WWOX: variants seen among roughly 807,000 people sequenced by gnomAD.
The protein encoded by WWOX is WW domain-containing oxidoreductase.
In WWOX, 69 loss-of-function variants were observed where a neutral mutation model predicts 46.2. The observed-to-expected ratio is 1.49, with a 90% CI of 1.23 to 1.82. WWOX has a LOEUF of 1.82. WWOX is among the 40% of genes most tolerant of loss of function. The probability of loss-of-function intolerance (pLI) is 0.00; values close to 1 mark genes in which losing one functional copy is unlikely to be tolerated. For missense variants in WWOX, 919 were observed against 542.6 expected, an observed-to-expected ratio of 1.69 and a Z score of -6.89; for synonymous variants, 359 against 202.6, an observed-to-expected ratio of 1.77 and a Z score of -6.56.
intron 8 of WWOX, among the ~76,000 whole-genome samples, chr16:78,549,756 A>G (rs1302816374): frequency 1.3e-5 from 2 of 152,238 alleles, no homozygotes; most frequent in Non-Finnish European, 2.9e-5. Flanking sequence ...CAGTTTAGAT[A>G]TGAAGCCTAA....
chr16:78,163,034 T>C (rs556655475), intron 4 of WWOX, among the ~76,000 whole-genome samples: 9 of 152,352 alleles, frequency 5.9e-5, no homozygotes, highest in African/African-American at 1.9e-4. Context: ...GTCAGACTTA[T>C]TTTAATCACT....
At chr16:78,105,097 C>T (rs1049024806) in intron 1 of WWOX, among the ~76,000 whole-genome samples, 7 of 152,188 alleles carry the variant, frequency 4.6e-5, no homozygotes, top group Non-Finnish European at 1.0e-4. Flanking sequence ...TTTCTGTTGC[C>T]ACAGCTATGG....
At chr16:78,738,764 C>G (rs779394008) in intron 8 of WWOX, among the ~76,000 whole-genome samples, 7 of 152,120 alleles carry the variant, frequency 4.6e-5, no homozygotes, top group Non-Finnish European at 7.3e-5. Context: ...GCTGGTTAGA[C>G]CAGGGCTGTG....
intron 8 of WWOX, among the ~76,000 whole-genome samples, chr16:78,826,566 G>C (rs1376828535): frequency 6.6e-6 from 1 of 152,110 alleles, no homozygotes; most frequent in Non-Finnish European, 1.5e-5. Context: ...TTCCTTTCCT[G>C]TCTGCCTCAA....
At chr16:78,437,619 C>T (rs911272501) in intron 8 of WWOX, among the ~76,000 whole-genome samples, 1 of 152,090 alleles carries the variant, frequency 6.6e-6, no homozygotes, top group African/African-American at 2.4e-5. Flanking sequence ...ATTGGGGCGT[C>T]CTGGGAGGGA....
chr16:78,814,374 C>G (rs368052834), intron 8 of WWOX, among the ~76,000 whole-genome samples: 1 of 151,592 alleles, frequency 6.6e-6, no homozygotes, highest in Non-Finnish European at 1.5e-5. Flanking sequence ...AAATCATATT[C>G]AAAAAATACT....
chr16:78,495,949 C>G (rs1008632119), intron 8 of WWOX: 6 of 152,142 alleles, frequency 3.9e-5, no homozygotes, highest in African/African-American at 1.4e-4. Flanking sequence ...CTCAGAGATT[C>G]CTTGAGAGAG....
At chr16:78,313,918 T>C (rs2080301256) in intron 5 of WWOX, among the ~76,000 whole-genome samples, 1 of 152,106 alleles carries the variant, frequency 6.6e-6, no homozygotes, top group Non-Finnish European at 1.5e-5. Context: ...GTGATTTTTG[T>C]CCCCAGTGAC....
intron 8 of WWOX, among the ~76,000 whole-genome samples, chr16:78,514,759 T>G (rs2738742): frequency 1.3e-5 from 2 of 152,166 alleles, no homozygotes; most frequent in Non-Finnish European, 2.9e-5. Flanking sequence ...ACACAGGCAT[T>G]GAAAATAGAT....
At chr16:79,091,929 T>G (rs1402416849) in intron 8 of WWOX, among the ~76,000 whole-genome samples, 2 of 151,754 alleles carry the variant, frequency 1.3e-5, no homozygotes, top group Admixed American at 6.6e-5. Flanking sequence ...CACAGGTGCA[T>G]GCCACCACGC....
chr16:78,534,762 T>C (rs1239018352), intron 8 of WWOX, among the ~76,000 whole-genome samples: 3 of 152,046 alleles, frequency 2.0e-5, no homozygotes, highest in African/African-American at 7.2e-5. Context: ...CAGGCTGGAG[T>C]GCAGTGGCAC....
At chr16:78,245,250 T>C (rs1441243878) in intron 5 of WWOX, among the ~76,000 whole-genome samples, 1 of 152,226 alleles carries the variant, frequency 6.6e-6, no homozygotes, top group Non-Finnish European at 1.5e-5. Context: ...AGTAAACCAA[T>C]GAGAGGAACC....
chr16:78,633,993 A>T (rs888423696), intron 8 of WWOX, among the ~76,000 whole-genome samples: 2 of 151,354 alleles, frequency 1.3e-5, no homozygotes, highest in African/African-American at 4.9e-5. Flanking sequence ...GCCCCTAGAG[A>T]GACCAAAGAG....
chr16:78,361,883 A>T (rs1452915627), intron 5 of WWOX, among the ~76,000 whole-genome samples: 2 of 151,680 alleles, frequency 1.3e-5, no homozygotes, highest in Non-Finnish European at 2.9e-5. Flanking sequence ...AAGTGCTGGG[A>T]TTACAGGTGT....
chr16:78,352,704 C>G (rs1197294478), intron 5 of WWOX, among the ~76,000 whole-genome samples: 1 of 152,170 alleles, frequency 6.6e-6, no homozygotes, highest in African/African-American at 2.4e-5. Context: ...TTATAGATAT[C>G]AGGGATTAGT....
chr16:78,825,367 G>C (rs1373471126), intron 8 of WWOX: 1 of 276,042 alleles, frequency 3.6e-6, no homozygotes, highest in Non-Finnish European at 7.4e-6. Flanking sequence ...CTCCGGAGCT[G>C]GCTAAAGACG....
chr16:79,202,445 T>C (rs1291639407), intron 8 of WWOX, among the ~76,000 whole-genome samples: 1 of 152,146 alleles, frequency 6.6e-6, no homozygotes, highest in Non-Finnish European at 1.5e-5. Context: ...GAAACCTACC[T>C]TGTGATTCTA....
At chr16:78,502,573 G>C (rs1173197447) in intron 8 of WWOX, among the ~76,000 whole-genome samples, 2 of 152,160 alleles carry the variant, frequency 1.3e-5, no homozygotes, top group African/African-American at 4.8e-5. Context: ...CACATTTTGT[G>C]TATCCATTCA....
intron 8 of WWOX, among the ~76,000 whole-genome samples, chr16:78,768,760 T>G (rs2049989145): frequency 6.6e-6 from 1 of 152,306 alleles, no homozygotes; most frequent in South Asian, 2.1e-4. Flanking sequence ...AAATGCTCAT[T>G]TCACAGCTTG....
Sources: gnomAD v4.1 joint callset for allele counts (sites outside exome capture counted in the v4.1 genomes callset) on GRCh38, gnomAD v4.1.1 for gene constraint, MANE v1.5 for transcripts, NCBI Gene and HGNC (gene_info 2026-07-23, HGNC 2026-07-21) for gene names.